The following SNX21 variants were observed in gnomAD, a reference collection of about 807,000 sequenced individuals.
SNX21 encodes sorting nexin-21.
Under a neutral mutation model 30.9 loss-of-function variants are expected in SNX21, and 36 were observed. That is an observed-to-expected ratio of 1.16 (90% CI 0.89 to 1.54). The LOEUF is 1.54. SNX21 is among the 40% of genes most tolerant of loss of function. The pLI is 0.00. For missense variants in SNX21, 508 were observed against 516.5 expected (o/e 0.98, Z 0.16); for synonymous variants, 218 against 222.7 (o/e 0.98, Z 0.19).
chr20:45,841,523 G>T lies in SNX21; in HGVS notation c.*210G>T. ...TGGGGTTGCCCTTGTGTAGTACAGGGAAGTCTGACACAGCCTCTCCAGCCT... is the reference window on the plus strand; with the variant it reads ...TGGGGTTGCCCTTGTGTAGTACAGGTAAGTCTGACACAGCCTCTCCAGCCT... On this transcript the variant is annotated 3_prime_UTR_variant, in exon 4 of 4. Transcript: ENST00000491381. The T allele has an allele frequency of 7.2e-7, 1 of 1,393,762 alleles. No individual in the cohort carries two copies. Among genetic ancestry groups the T allele is most frequent in the Non-Finnish European group, 9.2e-7 (1 of 1,081,730 alleles). The allele number at this position is 1,393,762 out of a possible 1,614,324, so 86.3% of individuals were successfully genotyped here.
In SNX21 at chr20:45,840,653, C is replaced by G; in HGVS notation, c.462C>G (p.Ala154=). ...PPSKYVLYTL[A]VIGPGPPDCQ... ...CCTCCCTGCAGCTCTACACCCTCGC[C>G]GTGATCGGCCCAGGACCGCCAGATT... The change falls in exon 4 of 4, where the codon GCC becomes GCG. Residue 154 remains alanine (A), a synonymous_variant. Coordinates refer to ENST00000491381, the MANE Select transcript of SNX21 (RefSeq NM_033421.4). 1 of 1,614,170 alleles carries G rather than the reference C, an allele frequency of 6.2e-7. No homozygotes were observed. Among genetic ancestry groups the G allele is most frequent in the Non-Finnish European group, 8.5e-7 (1 of 1,180,030 alleles).
Position 45,841,558 on chromosome 20 carries a change from CG to C in SNX21, c.*251del. Reference sequence around the variant, plus strand: ...ACAGCCTCTCCAGCCTATAAACAGCCGGGGGGCTGTGGCACAGGTTGGGGCA... The same window carrying C: ...ACAGCCTCTCCAGCCTATAAACAGCCGGGGGCTGTGGCACAGGTTGGGGCA... On this transcript the variant is annotated 3_prime_UTR_variant, in exon 4 of 4. Transcript: ENST00000491381. 1 of 1,390,098 alleles carries C rather than the reference CG, an allele frequency of 7.2e-7. No homozygotes were observed. Among genetic ancestry groups the C allele is most frequent in the Non-Finnish European group, 9.3e-7 (1 of 1,079,772 alleles). The allele number at this position is 1,390,098 out of a possible 1,614,324, so 86.1% of individuals were successfully genotyped here.
intron 3 of SNX21, 73 bp downstream of exon 3, chr20:45,835,189 C>A: frequency 6.8e-7 from 1 of 1,477,318 alleles, no homozygotes; most frequent in South Asian, 1.3e-5. Flanking sequence ...AAGACCCCAA[C>A]TTCCTGAGGG....
chr20:45,834,682 T>G, intron 2 of SNX21: 1 of 685,374 alleles, frequency 1.5e-6, no homozygotes, highest in Non-Finnish European at 2.4e-6. Flanking sequence ...GAACTCACTC[T>G]CATCTCAGAA....
chr20:45,841,659 C>A lies in SNX21; in HGVS notation c.*346C>A. On this transcript the variant is annotated 3_prime_UTR_variant, in exon 4 of 4. Coordinates refer to ENST00000491381, the MANE Select transcript of SNX21 (RefSeq NM_033421.4). ...GGCCAGGGACTCTGCCCCTGGAGTC[C>A]TGGAGTTAAGGGATGAAGGCAAGGC... The A allele has an allele frequency of 4.2e-6, 6 of 1,419,192 alleles. No homozygotes were observed. The South Asian group carries it at 7.9e-5, about 19-fold the overall frequency. 87.9% of individuals were successfully genotyped at this position (1,419,192 alleles called of 1,614,324 possible).
In SNX21 at chr20:45,843,218, A is replaced by G; in HGVS notation, c.*1905A>G. The G allele has an allele frequency of 3.9e-6, 2 of 513,092 alleles. No individual in the cohort carries two copies. Among genetic ancestry groups the G allele is most frequent in the Non-Finnish European group, 6.9e-6 (2 of 288,026 alleles). 31.8% of individuals were successfully genotyped at this position (513,092 alleles called of 1,614,324 possible). A position where few individuals can be genotyped will look rare whatever the true frequency, so the allele number is the denominator to read the frequency against. ...TAACCCTCTTTGTTTAGATGAGGAA[A>G]CTGAGGTTCAGATGGAAGATATGAT... On this transcript the variant is annotated 3_prime_UTR_variant, in exon 4 of 4. Coordinates refer to ENST00000491381, the MANE Select transcript of SNX21 (RefSeq NM_033421.4).
In SNX21 at chr20:45,841,948, G is replaced by A. The variant is rs753164804; in HGVS notation, c.*635G>A. The A allele has an allele frequency of 7.4e-6, 12 of 1,613,032 alleles. No individual in the cohort carries two copies. Among genetic ancestry groups the A allele is most frequent in the Middle Eastern group, 1.6e-4 (1 of 6,076 alleles). On this transcript the variant is annotated 3_prime_UTR_variant, in exon 4 of 4. Transcript: ENST00000491381. ...CACAGCCGCCCATGGACCAGCCCCCGAGAGCCACCTGTGGGTGAGGTGAAG... is the reference window on the plus strand; with the variant it reads ...CACAGCCGCCCATGGACCAGCCCCCAAGAGCCACCTGTGGGTGAGGTGAAG...
At position 45,834,321 on chromosome 20, in the gene SNX21, G is replaced by A. The variant is rs760956420; in HGVS notation, c.142G>A (p.Asp48Asn). Residue 48 changes from aspartate (D) to asparagine (N), a missense_variant, in exon 2 of 4, where the codon GAC becomes AAC. Transcript: ENST00000491381. The part of the protein sequence containing the change: ...QFPESSELED[D>N]DAEGLSSRLS... ...TCCGGAGAGCTCAGAGCTGGAGGAC[G>A]ACGACGCCGAGGGCCTGTCCTCCCG... 3.1e-6 allele frequency: 5 copies of A among 1,597,972 alleles called. No homozygotes were observed. Among genetic ancestry groups the A allele is most frequent in the Middle Eastern group, 1.7e-4 (1 of 6,058 alleles).
Position 45,834,341 on chromosome 20 carries a change from C to T in SNX21, c.162C>T (p.Ser54=). Residue 54 remains serine (S), a synonymous_variant, in exon 2 of 4, where the codon TCC becomes TCT. Coordinates refer to ENST00000491381, the MANE Select transcript of SNX21 (RefSeq NM_033421.4). ...AGGACGACGACGCCGAGGGCCTGTC[C>T]TCCCGACTCAGCGGCACCCTCAGCT... ...ELEDDDAEGL[S]SRLSGTLSFT... 1 of 1,600,370 alleles carries T rather than the reference C, an allele frequency of 6.2e-7. No homozygotes were observed. Among genetic ancestry groups the T allele is most frequent in the Non-Finnish European group, 8.5e-7 (1 of 1,177,508 alleles).
chr20:45,842,813 C>T lies in SNX21; in HGVS notation c.*1500C>T. 2 of 991,068 alleles carry T rather than the reference C, an allele frequency of 2.0e-6. No individual in the cohort carries two copies. Among genetic ancestry groups the T allele is most frequent in the Non-Finnish European group, 2.4e-6 (2 of 833,166 alleles). The allele number at this position is 991,068 out of a possible 1,614,324, so 61.4% of individuals were successfully genotyped here. ...AGGTTATCAATCTTGGATTGTGATGCTATTGGTACTTGAGAATACCCCTTA... is the reference window on the plus strand; with the variant it reads ...AGGTTATCAATCTTGGATTGTGATGTTATTGGTACTTGAGAATACCCCTTA... On this transcript the variant is annotated 3_prime_UTR_variant, in exon 4 of 4. Coordinates refer to ENST00000491381, the MANE Select transcript of SNX21 (RefSeq NM_033421.4).
At chr20:45,840,539 G>A (rs982360596) in intron 3 of SNX21, 100 bp from the exon 4 acceptor site, 1 of 1,613,458 alleles carries the variant, frequency 6.2e-7, no homozygotes, top group Non-Finnish European at 8.5e-7. Flanking sequence ...AAAGGAAGAG[G>A]TGGGGAGGTA....
Position 45,842,251 on chromosome 20 carries a change from C to T in SNX21, c.*938C>T, listed in dbSNP as rs757987316. Reference sequence around the variant, plus strand: ...GCCCCTTCATGAGCTTATTATGGACCGTCATTGAGGGGTAACTCCTCCCAC... The same window carrying T: ...GCCCCTTCATGAGCTTATTATGGACTGTCATTGAGGGGTAACTCCTCCCAC... On this transcript the variant is annotated 3_prime_UTR_variant, in exon 4 of 4. Transcript: ENST00000491381. 41 of 1,435,338 alleles carry T rather than the reference C, an allele frequency of 2.9e-5. No individual in the cohort carries two copies. In the African/African-American group the frequency reaches 3.3e-4, roughly 12 times the overall value. The allele number at this position is 1,435,338 out of a possible 1,614,324, so 88.9% of individuals were successfully genotyped here.
At chr20:45,835,249 G>C in intron 3 of SNX21, 133 bp downstream of exon 3, 1 of 1,055,838 alleles carries the variant, frequency 9.5e-7, no homozygotes. Context: ...GGAAACTGAG[G>C]TCAGAAAGGG....
chr20:45,842,995 G>A lies in SNX21; in HGVS notation c.*1682G>A, dbSNP rs1984354601. ...TCCCCTGCAAGGAAGGTCCAAGCAG[G>A]CCCTTAGGGACCACTGAATGCCCCG... On this transcript the variant is annotated 3_prime_UTR_variant, in exon 4 of 4. Coordinates refer to ENST00000491381, the MANE Select transcript of SNX21 (RefSeq NM_033421.4). The A allele has an allele frequency of 1.9e-6, 2 of 1,058,202 alleles. No individual in the cohort carries two copies. The highest frequency in any genetic ancestry group is 3.0e-5 in the South Asian group (1 of 33,356). The allele number at this position is 1,058,202 out of a possible 1,614,324, so 65.6% of individuals were successfully genotyped here. A position where few individuals can be genotyped will look rare whatever the true frequency, so the allele number is the denominator to read the frequency against.
chr20:45,842,008 ACT>A lies in SNX21; in HGVS notation c.*696_*697del. 1 of 1,549,542 alleles carries A rather than the reference ACT, an allele frequency of 6.5e-7. No homozygotes were observed. Among genetic ancestry groups the A allele is most frequent in the East Asian group, 2.3e-5 (1 of 42,746 alleles). ...GGCCTGCTTCAGAACAGCCAAATACACTTTTTTTTTTTTTCCTGAAACAGAGT... is the reference window on the plus strand; with the variant it reads ...GGCCTGCTTCAGAACAGCCAAATACATTTTTTTTTTTTCCTGAAACAGAGT... On this transcript the variant is annotated 3_prime_UTR_variant, in exon 4 of 4. Transcript: ENST00000491381.
At chr20:45,840,332 CAGA>C in intron 3 of SNX21, 1 of 1,532,862 alleles carries the variant, frequency 6.5e-7, no homozygotes, top group Non-Finnish European at 8.7e-7. Flanking sequence ...AGGGGGCTGT[CAGA>C]AGAACTAATG....
chr20:45,836,096 T>C (rs1487021163), intron 3 of SNX21, among the ~76,000 whole-genome samples: 1 of 152,192 alleles, frequency 6.6e-6, no homozygotes, highest in Non-Finnish European at 1.5e-5. Context: ...CAGTCCCACA[T>C]CTGGGCCTCT....
chr20:45,839,369 A>C (rs1983824746), intron 3 of SNX21, among the ~76,000 whole-genome samples: 1 of 152,036 alleles, frequency 6.6e-6, no homozygotes, highest in South Asian at 2.1e-4. Context: ...ACAAAAAATT[A>C]GCCGGGCGTA....
chr20:45,833,811 G>A lies in SNX21; in HGVS notation c.-109G>A. Reference sequence around the variant, plus strand: ...GCGGGGCGGCGGCAGGAAGCTGCCCGAGCGGCGCTCTGAGCGGCCTGAGCC... The same window carrying A: ...GCGGGGCGGCGGCAGGAAGCTGCCCAAGCGGCGCTCTGAGCGGCCTGAGCC... On this transcript the variant is annotated 5_prime_UTR_variant, in exon 1 of 4. Coordinates refer to ENST00000491381, the MANE Select transcript of SNX21 (RefSeq NM_033421.4). The A allele has an allele frequency of 1.8e-6, 2 of 1,135,086 alleles. No individual in the cohort carries two copies. The highest frequency in any genetic ancestry group is 3.2e-5 in the East Asian group (1 of 30,894). The allele number at this position is 1,135,086 out of a possible 1,614,324, so 70.3% of individuals were successfully genotyped here. A position where few individuals can be genotyped will look rare whatever the true frequency, so the allele number is the denominator to read the frequency against.
Sources: allele counts gnomAD v4.1 joint callset (sites outside exome capture counted in the v4.1 genomes callset), GRCh38; gene constraint gnomAD v4.1.1; transcripts MANE v1.5; gene names NCBI Gene and HGNC (gene_info 2026-07-23, HGNC 2026-07-21).